The following CAP1 variants were observed in gnomAD, a reference collection of about 807,000 sequenced individuals.
CAP1 encodes cyclase associated actin cytoskeleton regulatory protein 1.
A neutral mutation model predicts 58.2 loss-of-function variants in CAP1; 11 were observed. The ratio of observed to expected loss-of-function variants is 0.19; its 90% confidence interval spans 0.12 to 0.31. The LOEUF is 0.31. CAP1 is among the 10% of genes least tolerant of loss of function. CAP1 has a pLI of 1.00. For synonymous variants in CAP1, 183 were observed against 213.8 expected (o/e 0.86, Z 1.26); for missense variants, 423 against 587.5 (o/e 0.72, Z 2.89).
intron 7 of CAP1, chr1:40,067,201 C>T (rs1362840019): frequency 2.1e-5 from 5 of 240,228 alleles, no homozygotes; most frequent in Admixed American, 1.7e-4. Flanking sequence ...GGGAGAGGAG[C>T]GGCAGGAAAT....
In CAP1 at chr1:40,060,075, G is replaced by C; in HGVS notation, c.121G>C (p.Ala41Pro). The change falls in exon 3 of 13, where the codon GCT becomes CCT. Residue 41 changes from alanine (A) to proline (P), a missense_variant. Ala to Pro is a conservative substitution (Grantham distance 27). Coordinates refer to ENST00000372805, the MANE Select transcript of CAP1 (RefSeq NM_006367.4). ...YADSPSKAGA[A>P]PYVQAFDSLL... is the part of the protein sequence containing the mutation. ...GGTGTGTTTGTCTTTAGCAGGAGCA[G>C]CTCCATATGTGCAGGCATTTGACTC... 1 of 1,612,946 alleles carries C rather than the reference G, an allele frequency of 6.2e-7. No individual in the cohort carries two copies. The highest frequency in any genetic ancestry group is 1.1e-5 in the South Asian group (1 of 91,024).
chr1:40,058,898 A>G (rs1646729651), intron 1 of CAP1, among the ~76,000 whole-genome samples: 1 of 152,114 alleles, frequency 6.6e-6, no homozygotes, highest in South Asian at 2.1e-4. Context: ...GTGACTAGAC[A>G]AGTCATTTAG....
chr1:40,066,944 G>A (rs1647112639), intron 7 of CAP1, among the ~76,000 whole-genome samples: 1 of 152,194 alleles, frequency 6.6e-6, no homozygotes, highest in African/African-American at 2.4e-5. Flanking sequence ...TTGAGCAAGG[G>A]AGTGATAATG....
chr1:40,049,986 A>G (rs1466937958), intron 1 of CAP1, among the ~76,000 whole-genome samples: 1 of 152,200 alleles, frequency 6.6e-6, no homozygotes, highest in African/African-American at 2.4e-5. Context: ...TGGAAGTTGC[A>G]GGGAGGCAGA....
chr1:40,064,300 G>A lies in CAP1; in HGVS notation c.368G>A (p.Arg123Gln), dbSNP rs765058253. The part of the protein sequence containing the change: ...KEVITFREKN[R>Q]GSKLFNHLSA... The stretch of plus-strand genomic sequence containing the variant: ...GTGATAACCTTTCGGGAGAAGAACC[G>A]AGGCAGCAAGTTGTTTAATCACCTG... Residue 123 changes from arginine to glutamine, a missense_variant, in exon 5 of 13, where the codon CGA (arginine) becomes CAA (glutamine). Arg to Gln is a conservative substitution (Grantham distance 43). Coordinates refer to ENST00000372805, the MANE Select transcript of CAP1 (RefSeq NM_006367.4). The A allele has an allele frequency of 1.2e-6, 2 of 1,614,064 alleles. No individual in the cohort carries two copies. Among genetic ancestry groups the A allele is most frequent in the East Asian group, 2.2e-5 (1 of 44,902 alleles).
intron 1 of CAP1, chr1:40,041,396 A>C (rs913706934): frequency 2.0e-5 from 3 of 152,080 alleles, no homozygotes; most frequent in Non-Finnish European, 4.4e-5. Context: ...GGGAGTTTTT[A>C]AAAGAAAGGC....
chr1:40,063,220 C>T (rs1392018115), intron 4 of CAP1, among the ~76,000 whole-genome samples: 1 of 151,708 alleles, frequency 6.6e-6, no homozygotes, highest in African/African-American at 2.4e-5. Context: ...CTCTGTCGCC[C>T]AGGCTGGAGT....
chr1:40,069,932 T>TG (rs1270287047), intron 9 of CAP1, 58 bp downstream of exon 9: 16 of 1,479,796 alleles, frequency 1.1e-5, no homozygotes, highest in Non-Finnish European at 1.4e-5. Flanking sequence ...TTTTTTGAGA[T>TG]GGAGTTTCAC....
intron 1 of CAP1, among the ~76,000 whole-genome samples, chr1:40,055,973 T>C (rs1287232228): frequency 6.6e-6 from 1 of 152,230 alleles, no homozygotes. Flanking sequence ...ATGGATTCCT[T>C]CATTTATTCT....
rs1646980487 is a variant in CAP1, at chr1:40,064,251, C to T, written c.319C>T (p.Pro107Ser). The T allele has an allele frequency of 6.2e-7, 1 of 1,614,088 alleles. No individual in the cohort carries two copies. The highest frequency in any genetic ancestry group is 8.5e-7 in the Non-Finnish European group (1 of 1,179,994). Reference sequence around the variant, plus strand: ...GAATAAGCTTTCCGATTTGTTGGCACCCATCTCAGAGCAGATCAAAGAAGT... The same window carrying T: ...GAATAAGCTTTCCGATTTGTTGGCATCCATCTCAGAGCAGATCAAAGAAGT... ...AENKLSDLLA[P>S]ISEQIKEVIT... Residue 107 changes from proline to serine, a missense_variant, in exon 5 of 13, where the codon CCC becomes TCC. Coordinates refer to ENST00000372805, the MANE Select transcript of CAP1 (RefSeq NM_006367.4).
Position 40,070,532 on chromosome 1 carries a change from CCTT to C in CAP1, c.1200+24_1200+26del, listed in dbSNP as rs762922591. On this transcript the variant is annotated intron_variant, in intron 11 of 12. Transcript: ENST00000372805. ...GTTCAGGTAACTCGATATTTTGGCT[CCTT>C]CTTTTTGTCCCTGAGGAATTAATTC... 2.8e-5 allele frequency: 45 copies of C among 1,584,622 alleles called. No homozygotes were observed. Among genetic ancestry groups the C allele is most frequent in the Non-Finnish European group, 3.5e-5 (40 of 1,153,250 alleles).
chr1:40,042,490 G>A (rs190014451), intron 1 of CAP1, among the ~76,000 whole-genome samples: 91 of 152,266 alleles, frequency 6.0e-4, no homozygotes, highest in South Asian at 1.2e-3. Flanking sequence ...CTGGAGAACC[G>A]GACAGCTGAA....
chr1:40,041,116 C>T (rs556502218), intron 1 of CAP1, among the ~76,000 whole-genome samples: 1 of 152,216 alleles, frequency 6.6e-6, no homozygotes, highest in Non-Finnish European at 1.5e-5. Flanking sequence ...TTCCCTGTCT[C>T]CTGTTGATGC....
At chr1:40,046,941 T>A (rs949037401) in intron 1 of CAP1, among the ~76,000 whole-genome samples, 26 of 152,066 alleles carry the variant, frequency 1.7e-4, no homozygotes, top group African/African-American at 5.8e-4. Flanking sequence ...CCCAGCTAAT[T>A]TTTGTATTTT....
At chr1:40,054,082 A>C (rs1489906182) in intron 1 of CAP1, among the ~76,000 whole-genome samples, 1 of 151,840 alleles carries the variant, frequency 6.6e-6, no homozygotes, top group Non-Finnish European at 1.5e-5. Flanking sequence ...AAAACAAAAC[A>C]CTTCTCCATG....
intron 4 of CAP1, among the ~76,000 whole-genome samples, chr1:40,062,469 G>A (rs945029861): frequency 1.3e-5 from 2 of 152,148 alleles, no homozygotes; most frequent in African/African-American, 4.8e-5. Context: ...TTAGATTCTG[G>A]TTAAGTGTGC....
At chr1:40,060,663 C>T (rs1443788560) in intron 3 of CAP1, among the ~76,000 whole-genome samples, 3 of 150,236 alleles carry the variant, frequency 2.0e-5, no homozygotes, top group Non-Finnish European at 4.4e-5. Flanking sequence ...ACGTCATCAC[C>T]ACCACCCCCC....
At chr1:40,069,636 C>A (rs575025085) in intron 8 of CAP1, 54 bp from the exon 9 acceptor site, 1 of 1,462,690 alleles carries the variant, frequency 6.8e-7, no homozygotes, top group Non-Finnish European at 9.4e-7. Context: ...ATGACGATAG[C>A]AGCTCAAAGG....
intron 1 of CAP1, among the ~76,000 whole-genome samples, chr1:40,044,078 T>C (rs1387604661): frequency 1.3e-5 from 2 of 152,196 alleles, no homozygotes; most frequent in Non-Finnish European, 1.5e-5. Flanking sequence ...AGTTTAGCTA[T>C]TGAGTCTGTA....
Sources: gnomAD v4.1 joint callset for allele counts (sites outside exome capture counted in the v4.1 genomes callset) on GRCh38, gnomAD v4.1.1 for gene constraint, MANE v1.5 for transcripts, NCBI Gene and HGNC (gene_info 2026-07-23, HGNC 2026-07-21) for gene names.